The following DYNC1I1 variants were observed in gnomAD, a reference collection of about 807,000 sequenced individuals.
DYNC1I1 encodes the protein cytoplasmic dynein 1 intermediate chain 1.
Under a neutral mutation model 86.6 loss-of-function variants are expected in DYNC1I1, and 43 were observed. The ratio of observed to expected loss-of-function variants is 0.50; its 90% CI spans 0.39 to 0.64. DYNC1I1 has a LOEUF of 0.64. Among genes scored for constraint, DYNC1I1 ranks in the 30% least tolerant of loss-of-function variants. The pLI is 0.00. For synonymous variants in DYNC1I1, 262 were observed against 283.7 expected, an observed-to-expected ratio of 0.92 and a Z score of 0.77; for missense variants, 604 against 788.8, an observed-to-expected ratio of 0.77 and a Z score of 2.81.
intron 16 of DYNC1I1, among the ~76,000 whole-genome samples, chr7:96,092,102 T>C (rs1790866073): frequency 1.3e-5 from 2 of 152,144 alleles, no homozygotes; most frequent in African/African-American, 2.4e-5. Context: ...GAAAGTTAGC[T>C]ATTATTAAAA....
intron 6 of DYNC1I1, among the ~76,000 whole-genome samples, chr7:95,940,124 C>T (rs1175298010): frequency 2.6e-5 from 4 of 152,078 alleles, no homozygotes; most frequent in African/African-American, 7.2e-5. Context: ...TAAATATTGG[C>T]CCCCACTCTC....
chr7:96,091,941 T>C (rs1366350425), intron 16 of DYNC1I1, among the ~76,000 whole-genome samples: 3 of 152,192 alleles, frequency 2.0e-5, no homozygotes, highest in Non-Finnish European at 4.4e-5. Context: ...AAAAAATATG[T>C]ATGTGCATGT....
intron 5 of DYNC1I1, among the ~76,000 whole-genome samples, chr7:95,842,842 A>C (rs2116023306): frequency 6.6e-6 from 1 of 152,170 alleles, no homozygotes. Context: ...TTTTTGCTGA[A>C]GTACTCCTGC....
chr7:96,023,197 A>C (rs2115926564), intron 10 of DYNC1I1, among the ~76,000 whole-genome samples: 1 of 148,470 alleles, frequency 6.7e-6, no homozygotes, highest in African/African-American at 2.5e-5. Context: ...GGCAAATAAA[A>C]CGTCAGCCAC....
Position 96,014,365 on chromosome 7 carries a change from T to C in DYNC1I1, c.970-13810T>C, listed in dbSNP as rs963185489. 1.3e-5 allele frequency among the ~76,000 whole-genome samples: 2 copies of C among 152,284 alleles called. 1 individual carries two copies. Among genetic ancestry groups the C allele is most frequent in the East Asian group, 3.9e-4 (2 of 5,172 alleles). On this transcript the variant is annotated intron_variant, in intron 10 of 16. Coordinates refer to ENST00000447467, the MANE Select transcript of DYNC1I1 (RefSeq NM_001135556.2). ...TTTTTGCCCCTTCTCCCAGCAGACA[T>C]GTAAGGTTCCAGCTGCTTTTTCGGA...
chr7:95,966,950 C>G (rs777308442), intron 6 of DYNC1I1, among the ~76,000 whole-genome samples: 1 of 152,096 alleles, frequency 6.6e-6, no homozygotes, highest in Non-Finnish European at 1.5e-5. Flanking sequence ...GAAAGGAAAA[C>G]ACTTTGATGC....
At chr7:95,860,409 G>T (rs915202655) in intron 5 of DYNC1I1, among the ~76,000 whole-genome samples, 9 of 152,152 alleles carry the variant, frequency 5.9e-5, no homozygotes, top group Non-Finnish European at 1.2e-4. Flanking sequence ...CTCACCCGAA[G>T]AAATTTTAGA....
intron 2 of DYNC1I1, 138 bp downstream of exon 2, chr7:95,804,975 G>T (rs1240289874): frequency 1.4e-6 from 2 of 1,379,820 alleles, no homozygotes; most frequent in Non-Finnish European, 1.9e-6. Context: ...TTCCTATTCT[G>T]CATGGTAAAG....
intron 6 of DYNC1I1, among the ~76,000 whole-genome samples, chr7:95,933,857 C>T (rs1218898990): frequency 6.6e-6 from 1 of 152,012 alleles, no homozygotes; most frequent in Admixed American, 6.6e-5. Context: ...TATTTTGAGC[C>T]TAGTGGTGGT....
intron 1 of DYNC1I1, among the ~76,000 whole-genome samples, chr7:95,800,650 A>T (rs898701044): frequency 4.6e-5 from 7 of 152,192 alleles, no homozygotes; most frequent in Non-Finnish European, 2.9e-5. Context: ...GTGTGGTGGA[A>T]CATGTAGATG....
intron 10 of DYNC1I1, among the ~76,000 whole-genome samples, chr7:96,020,691 G>C (rs747359791): frequency 7.2e-5 from 11 of 152,194 alleles, no homozygotes; most frequent in Non-Finnish European, 1.3e-4. Context: ...GGATCTCAAA[G>C]AGTTAGTTGT....
intron 6 of DYNC1I1, among the ~76,000 whole-genome samples, chr7:95,951,072 A>T (rs1350750114): frequency 6.6e-6 from 1 of 152,238 alleles, no homozygotes; most frequent in African/African-American, 2.4e-5. Context: ...TAAAGTTTTC[A>T]TAAATATCTT....
At chr7:95,924,221 C>A (rs1000825813) in intron 6 of DYNC1I1, among the ~76,000 whole-genome samples, 2 of 152,106 alleles carry the variant, frequency 1.3e-5, no homozygotes, top group Non-Finnish European at 2.9e-5. Context: ...CAAATTGTCC[C>A]ATTGCTTTGG....
intron 6 of DYNC1I1, among the ~76,000 whole-genome samples, chr7:95,938,608 T>C (rs1792113225): frequency 6.6e-6 from 1 of 152,206 alleles, no homozygotes; most frequent in African/African-American, 2.4e-5. Context: ...GTTATTGATT[T>C]TTTCTGCCCA....
chr7:95,899,252 T>G (rs113452329), intron 6 of DYNC1I1, among the ~76,000 whole-genome samples: 150 of 152,306 alleles, frequency 9.8e-4, no homozygotes, highest in African/African-American at 3.5e-3. Context: ...ATGTTACATC[T>G]GGAGACAGAG....
At chr7:96,044,356 G>C (rs1248867708) in intron 14 of DYNC1I1, among the ~76,000 whole-genome samples, 1 of 152,180 alleles carries the variant, frequency 6.6e-6, no homozygotes, top group Non-Finnish European at 1.5e-5. Context: ...CATGGCAAAA[G>C]CAGTGTCTTT....
At chr7:95,887,949 G>T (rs936588824) in intron 6 of DYNC1I1, among the ~76,000 whole-genome samples, 1 of 152,092 alleles carries the variant, frequency 6.6e-6, no homozygotes, top group African/African-American at 2.4e-5. Context: ...ATCTTCAGAG[G>T]CTCAGTGCTC....
At chr7:95,912,952 A>C (rs1340840676) in intron 6 of DYNC1I1, among the ~76,000 whole-genome samples, 1 of 152,174 alleles carries the variant, frequency 6.6e-6, no homozygotes, top group East Asian at 1.9e-4. Context: ...TGCTCCCAAA[A>C]TGAGAACCAA....
At chr7:95,917,652 G>C (rs1791504475) in intron 6 of DYNC1I1, among the ~76,000 whole-genome samples, 1 of 152,178 alleles carries the variant, frequency 6.6e-6, no homozygotes, top group Non-Finnish European at 1.5e-5. Context: ...CACGGGAATT[G>C]CATTTGCTAG....
Sources: gnomAD v4.1 joint callset for allele counts (sites outside exome capture counted in the v4.1 genomes callset) on GRCh38, gnomAD v4.1.1 for gene constraint, MANE v1.5 for transcripts, NCBI Gene and HGNC (gene_info 2026-07-23, HGNC 2026-07-21) for gene names.